Variants in RIPOR2 observed in about 807,000 individuals in gnomAD.
RIPOR2 encodes the protein rho family-interacting cell polarization regulator 2.
In RIPOR2, 39 loss-of-function variants were observed where a neutral mutation model predicts 114.5. The ratio of observed to expected loss-of-function variants is 0.34; its 90% CI spans 0.26 to 0.44. The LOEUF (loss-of-function observed/expected upper bound fraction) is 0.44, where lower values mean the gene tolerates loss of function less well. Ranked by LOEUF, RIPOR2 falls within the 20% of genes least tolerant of loss-of-function variation. RIPOR2 has a pLI of 1.00. For synonymous variants in RIPOR2, 445 were observed against 484.4 expected (o/e 0.92, Z 1.07); for missense variants, 1,007 against 1,255.1 (o/e 0.80, Z 2.99).
chr6:24,810,337 G>A (rs534273669), intron 20 of RIPOR2, among the ~76,000 whole-genome samples: 2 of 152,268 alleles, frequency 1.3e-5, no homozygotes, highest in East Asian at 3.9e-4. Flanking sequence ...GTGAAGTGAC[G>A]AGCTTGCTTT....
intron 1 of RIPOR2, among the ~76,000 whole-genome samples, chr6:25,002,647 A>G (rs1390558572): frequency 2.0e-5 from 3 of 152,250 alleles, no homozygotes; most frequent in Admixed American, 1.3e-4. Context: ...TGTTTTAGAT[A>G]TACAACATGT....
chr6:24,873,949 C>G, intron 2 of RIPOR2, 150 bp from the exon 3 acceptor site: 1 of 680,454 alleles, frequency 1.5e-6, no homozygotes, highest in Non-Finnish European at 2.4e-6. Flanking sequence ...TCATAGCTCA[C>G]TGCAGCCTTG....
chr6:24,854,906 A>G (rs1042487715), intron 8 of RIPOR2, among the ~76,000 whole-genome samples: 3 of 151,668 alleles, frequency 2.0e-5, no homozygotes, highest in Non-Finnish European at 4.4e-5. Flanking sequence ...GGGTACCTGT[A>G]ATCCCAGCTA....
In RIPOR2 at chr6:24,875,876, T is replaced by C. The variant is rs145674766; in HGVS notation, c.62-59A>G. The C allele has an allele frequency of 5.9e-3, 8,756 of 1,485,242 alleles. 37 individuals are homozygous for C. Among genetic ancestry groups the C allele is most frequent in the Non-Finnish European group, 6.5e-3 (7,070 of 1,087,998 alleles). 92.0% of individuals were successfully genotyped at this position (1,485,242 alleles called of 1,614,324 possible). A position where few individuals can be genotyped will look rare whatever the true frequency, so the allele number is the denominator to read the frequency against. Reference sequence around the variant, plus strand: ...AGGCAGGTTCAGACAGAAGATGCACTAAGCTTGTCAACAATGATAAAGGAT... The same window carrying C: ...AGGCAGGTTCAGACAGAAGATGCACCAAGCTTGTCAACAATGATAAAGGAT... On this transcript the variant is annotated intron_variant, in intron 1 of 21. Coordinates refer to ENST00000643898, the MANE Select transcript of RIPOR2 (RefSeq NM_001286445.3).
At chr6:25,025,730 A>G (rs969172420) in intron 1 of RIPOR2, among the ~76,000 whole-genome samples, 3 of 152,264 alleles carry the variant, frequency 2.0e-5, no homozygotes, top group Non-Finnish European at 2.9e-5. Flanking sequence ...ATGACTATGC[A>G]TATTCAACAC....
At chr6:24,990,417 G>A (rs1235998440) in intron 1 of RIPOR2, among the ~76,000 whole-genome samples, 1 of 152,214 alleles carries the variant, frequency 6.6e-6, no homozygotes, top group Non-Finnish European at 1.5e-5. Flanking sequence ...TAGAGCTGAT[G>A]ACAAAGATGT....
Position 24,806,263 on chromosome 6 carries a change from T to C in RIPOR2, c.*110A>G, listed in dbSNP as rs1780764780. On this transcript the variant is annotated 3_prime_UTR_variant, in exon 22 of 22. Transcript: ENST00000643898. Reference sequence around the variant, plus strand: ...CCACTGCACCTGGCCTACATTTTTATTTCAGTTGTCGTGTCTCTCAGGCTC... The same window carrying C: ...CCACTGCACCTGGCCTACATTTTTACTTCAGTTGTCGTGTCTCTCAGGCTC... The C allele has an allele frequency of 1.3e-6, 1 of 779,274 alleles. No individual in the cohort carries two copies. The highest frequency in any genetic ancestry group is 2.1e-6 in the Non-Finnish European group (1 of 468,684). 48.3% of individuals were successfully genotyped at this position (779,274 alleles called of 1,614,324 possible).
chr6:24,826,956 C>T (rs1236210371), intron 18 of RIPOR2, among the ~76,000 whole-genome samples: 3 of 151,376 alleles, frequency 2.0e-5, no homozygotes, highest in Non-Finnish European at 2.9e-5. Flanking sequence ...AAAAAAGACA[C>T]TTAAAATGTT....
At chr6:24,855,519 A>C (rs1274873933) in intron 8 of RIPOR2, among the ~76,000 whole-genome samples, 1 of 152,244 alleles carries the variant, frequency 6.6e-6, no homozygotes, top group African/African-American at 2.4e-5. Flanking sequence ...AATTTTGATG[A>C]GCTGGTCCAG....
chr6:24,927,180 C>CACCACTACAACTACA (rs1561782572), intron 1 of RIPOR2, among the ~76,000 whole-genome samples: 13 of 73,922 alleles, frequency 1.8e-4, no homozygotes, highest in Non-Finnish European at 3.1e-4. Flanking sequence ...TCACCACCAC[C>CACCACTACAACTACA]ATGACCACCA....
At chr6:24,943,775 T>C (rs1772264959) in intron 1 of RIPOR2, among the ~76,000 whole-genome samples, 1 of 152,144 alleles carries the variant, frequency 6.6e-6, no homozygotes. Flanking sequence ...GGTTGCAGAA[T>C]GGAGATAAAG....
intron 1 of RIPOR2, among the ~76,000 whole-genome samples, chr6:24,927,117 T>TACAAC (rs1561782327): frequency 0.72 from 3,063 of 4,228 alleles, 1,503 homozygotes; most frequent in East Asian, 0.85. Context: ...ACCATGATTA[T>TACAAC]TATAATCATC....
chr6:24,951,761 T>C (rs1021398643), intron 1 of RIPOR2, among the ~76,000 whole-genome samples: 3 of 152,200 alleles, frequency 2.0e-5, no homozygotes, highest in Non-Finnish European at 2.9e-5. Flanking sequence ...TTCTGGCATT[T>C]TCTGGGTAGG....
Position 24,839,114 on chromosome 6 carries a change from T to A in RIPOR2, c.2016A>T (p.Ser672=). 1 of 1,551,594 alleles carries A rather than the reference T, an allele frequency of 6.4e-7. No individual in the cohort carries two copies. The highest frequency in any genetic ancestry group is 1.4e-5 in the African/African-American group (1 of 73,152). ...NVGGGADSVF[S]DTETEKHSYR... ...ACCTGTGTTTCTCAGTCTCAGTGTC[T>A]GAAAATACTGAGTCAGCACCTCCGC... Residue 672 remains serine (S), a synonymous_variant, in exon 14 of 22, where the codon TCA becomes TCT. Transcript: ENST00000643898.
At position 24,888,255 on chromosome 6, in the gene RIPOR2, T is replaced by C. The variant is rs117070366; in HGVS notation, c.62-12438A>G. 9.9e-5 allele frequency among the ~76,000 whole-genome samples: 15 copies of C among 152,268 alleles called. No homozygotes were observed. In the East Asian group the frequency reaches 2.9e-3, roughly 29 times the overall value. On this transcript the variant is annotated intron_variant, in intron 1 of 21. Coordinates refer to ENST00000643898, the MANE Select transcript of RIPOR2 (RefSeq NM_001286445.3). The stretch of plus-strand genomic sequence containing the variant: ...TTTTGATCACCAGGTTAAAAAAACA[T>C]TGCCATATAGAAGAAAATGGCCCCA...
rs768911897 is a variant in RIPOR2 at position 24,830,485 on chromosome 6, T to A, written c.2506+24A>T. The A allele has an allele frequency of 1.9e-6, 3 of 1,546,692 alleles. No individual in the cohort carries two copies. The African/African-American group carries it at 4.1e-5, about 21-fold the overall frequency. ...CACTCTCACACTGAAGGACAGAAAT[T>A]CTCTCTCTACTGCTGCCTCATACCT... On this transcript the variant is annotated intron_variant, in intron 17 of 21. Transcript: ENST00000643898.
intron 1 of RIPOR2, among the ~76,000 whole-genome samples, chr6:25,033,207 CA>C (rs55686113): frequency 0.45 from 66,078 of 148,390 alleles, 16,454 homozygotes; most frequent in Non-Finnish European, 0.58. Flanking sequence ...GATCTCATCT[CA>C]AAAAAAAAAA....
chr6:24,981,121 A>G (rs1299599793), intron 1 of RIPOR2, among the ~76,000 whole-genome samples: 6 of 152,190 alleles, frequency 3.9e-5, no homozygotes, highest in Non-Finnish European at 1.5e-5. Flanking sequence ...ATGAAAACCA[A>G]CAGGGTTATA....
intron 8 of RIPOR2, among the ~76,000 whole-genome samples, chr6:24,853,261 C>T (rs1196637580): frequency 6.6e-6 from 1 of 152,210 alleles, no homozygotes; most frequent in Non-Finnish European, 1.5e-5. Context: ...TTTTCTTCTA[C>T]TGTGCCATCC....
Sources: gnomAD v4.1 joint callset for allele counts (sites outside exome capture counted in the v4.1 genomes callset) on GRCh38, gnomAD v4.1.1 for gene constraint, MANE v1.5 for transcripts, NCBI Gene and HGNC (gene_info 2026-07-23, HGNC 2026-07-21) for gene names.